The following IPO5 variants were observed in gnomAD, a reference collection of about 807,000 sequenced individuals.
The protein encoded by IPO5 is importin-5.
In IPO5, 18 loss-of-function variants were observed where a neutral mutation model predicts 143.3. The observed-to-expected ratio is 0.13, with a 90% CI of 0.09 to 0.19. The LOEUF is 0.19. IPO5 is among the 10% of genes least tolerant of loss of function. The pLI is 1.00. For missense variants in IPO5, 1,013 were observed against 1,336.9 expected (o/e 0.76, Z 3.78); for synonymous variants, 477 against 465.7 (o/e 1.02, Z -0.31).
At chr13:98,017,217 C>T (rs1890174082) in intron 25 of IPO5, among the ~76,000 whole-genome samples, 1 of 150,952 alleles carries the variant, frequency 6.6e-6, no homozygotes, top group South Asian at 2.1e-4. Context: ...GTACTACCAG[C>T]AATCATGGAT....
intron 26 of IPO5, 96 bp downstream of exon 26, chr13:98,018,800 A>G (rs1003281740): frequency 4.8e-6 from 4 of 836,426 alleles, no homozygotes; most frequent in Non-Finnish European, 5.7e-6. Context: ...TTATTTGCCT[A>G]TTTCTGCTGT....
At chr13:97,963,373 T>C (rs1885044039) in intron 2 of IPO5, 1 of 127,636 alleles carries the variant, frequency 7.8e-6, no homozygotes, top group Admixed American at 7.6e-5. Flanking sequence ...TTATTATAGC[T>C]TTTTTTTTTT....
Position 98,000,536 on chromosome 13 carries a change from T to A in IPO5, c.1002-3T>A, listed in dbSNP as rs758578956. The A allele has an allele frequency of 6.2e-7, 1 of 1,603,934 alleles. No homozygotes were observed. Among genetic ancestry groups the A allele is most frequent in the Non-Finnish European group, 8.5e-7 (1 of 1,170,848 alleles). On this transcript the variant is annotated splice_polypyrimidine_tract_variant and splice_region_variant and intron_variant, in intron 12 of 28. Coordinates refer to ENST00000651721, the MANE Select transcript of IPO5 (RefSeq NM_002271.6). The stretch of plus-strand genomic sequence containing the variant: ...GAGTACATAATTCTGTTTATGTGTT[T>A]AGCAATGCAGTTGCAGGCGAGAGTG...
intron 3 of IPO5, among the ~76,000 whole-genome samples, chr13:97,970,712 T>A (rs1167586308): frequency 3.9e-5 from 6 of 152,230 alleles, no homozygotes; most frequent in Non-Finnish European, 8.8e-5. Context: ...TAATGAGCAT[T>A]GCAACTGTAG....
chr13:97,961,543 T>G (rs950864832), intron 2 of IPO5, among the ~76,000 whole-genome samples: 7 of 152,248 alleles, frequency 4.6e-5, no homozygotes, highest in African/African-American at 1.7e-4. Context: ...ATGTTCCTAT[T>G]AGCAAAGTAT....
chr13:97,977,708 A>G (rs1465853951), intron 4 of IPO5, among the ~76,000 whole-genome samples: 1 of 152,172 alleles, frequency 6.6e-6, no homozygotes, highest in Non-Finnish European at 1.5e-5. Flanking sequence ...TAGAAGACTG[A>G]TGTTACATTT....
rs200549073 is a variant in IPO5 at position 97,967,630 on chromosome 13, CTGTT to C, written c.-112-2070_-112-2067del. Among the ~76,000 whole-genome samples the C allele has an allele frequency of 8.3e-3, 1,257 of 151,772 alleles. 11 individuals carry two copies. The highest frequency in any genetic ancestry group is 0.027 in the African/African-American group (1,137 of 41,372). ...GTTTTCATTCATCTGAAAGTATTTT[CTGTT>C]TGTTTGTTTGTTTGTTTGTTTGAGT... is the stretch of plus-strand genomic sequence containing the variant. On this transcript the variant is annotated intron_variant, in intron 2 of 28. Coordinates refer to ENST00000651721, the MANE Select transcript of IPO5 (RefSeq NM_002271.6).
At chr13:98,015,402 G>A in intron 22 of IPO5, 128 bp from the exon 23 acceptor site, 1 of 627,904 alleles carries the variant, frequency 1.6e-6, no homozygotes, top group Non-Finnish European at 2.8e-6. Flanking sequence ...TACAAGCTAA[G>A]CATATGTAAA....
chr13:97,988,729 A>C (rs536409786), intron 6 of IPO5, among the ~76,000 whole-genome samples: 23 of 152,340 alleles, frequency 1.5e-4, no homozygotes, highest in African/African-American at 5.5e-4. Flanking sequence ...CAGAGGTTGC[A>C]GTCAACCGAG....
intron 13 of IPO5, among the ~76,000 whole-genome samples, chr13:98,001,353 T>G (rs1266640529): frequency 2.6e-5 from 4 of 152,238 alleles, no homozygotes; most frequent in Non-Finnish European, 4.4e-5. Flanking sequence ...TTGTTTGTTT[T>G]TTGGTGGAAT....
intron 2 of IPO5, among the ~76,000 whole-genome samples, chr13:97,965,117 A>C (rs935411017): frequency 4.6e-5 from 7 of 152,058 alleles, no homozygotes; most frequent in African/African-American, 1.7e-4. Context: ...ACATGTTCTC[A>C]CTCATAAGTG....
chr13:97,981,573 C>CAGG (rs1790125374), intron 4 of IPO5, among the ~76,000 whole-genome samples: 1 of 152,182 alleles, frequency 6.6e-6, no homozygotes, highest in Non-Finnish European at 1.5e-5. Context: ...GCAATGAGAG[C>CAGG]AGGTAAGCTC....
chr13:98,010,728 A>T (rs1430716862), intron 20 of IPO5, among the ~76,000 whole-genome samples: 2 of 135,784 alleles, frequency 1.5e-5, no homozygotes, highest in East Asian at 4.2e-4. Flanking sequence ...TTTAGTTCCT[A>T]GTTTTCTTTT....
chr13:97,959,079 A>T (rs1276859362), intron 2 of IPO5, among the ~76,000 whole-genome samples: 3 of 151,520 alleles, frequency 2.0e-5, no homozygotes, highest in Non-Finnish European at 2.9e-5. Flanking sequence ...GGCTGAGGCA[A>T]GAGAATTGCT....
chr13:97,977,785 C>T (rs1886507780), intron 4 of IPO5, among the ~76,000 whole-genome samples: 1 of 152,182 alleles, frequency 6.6e-6, no homozygotes. Flanking sequence ...AGTTTCTTAG[C>T]TGACCGCCAA....
intron 5 of IPO5, among the ~76,000 whole-genome samples, chr13:97,985,086 TA>T (rs1482853976): frequency 6.6e-6 from 1 of 151,920 alleles, no homozygotes; most frequent in Admixed American, 6.6e-5. Flanking sequence ...GACAGAGAGG[TA>T]GGAAAAGAGC....
intron 24 of IPO5, among the ~76,000 whole-genome samples, 188 bp from the exon 25 acceptor site, chr13:98,016,541 T>C (rs1017432797): frequency 1.3e-5 from 2 of 152,178 alleles, no homozygotes; most frequent in African/African-American, 4.8e-5. Flanking sequence ...AGACTGGCCT[T>C]TGATTAGTAA....
At chr13:97,976,621 C>G in intron 3 of IPO5, 72 bp from the exon 4 acceptor site, 1 of 571,464 alleles carries the variant, frequency 1.7e-6, no homozygotes, top group Non-Finnish European at 2.6e-6. Flanking sequence ...GGGCCCGCCC[C>G]CGCCCCTCCC....
chr13:98,006,271 C>G lies in IPO5; in HGVS notation c.1639C>G (p.Gln547Glu). 6.5e-7 allele frequency: 1 copy of G among 1,534,296 alleles called. No individual in the cohort carries two copies. Among genetic ancestry groups the G allele is most frequent in the Non-Finnish European group, 8.8e-7 (1 of 1,132,272 alleles). ...GAAGCACATCGTTGAGAATGCGGTT[C>G]AAAAAGAACTGAGACTTCTGAGAGG... ...SLKHIVENAV[Q>E]KELRLLRGKT... Residue 547 changes from glutamine to glutamate, a missense_variant, in exon 17 of 29, where the codon CAA (glutamine) becomes GAA (glutamate). Coordinates refer to ENST00000651721, the MANE Select transcript of IPO5 (RefSeq NM_002271.6).
Sources: allele counts gnomAD v4.1 joint callset (sites outside exome capture counted in the v4.1 genomes callset), GRCh38; gene constraint gnomAD v4.1.1; transcripts MANE v1.5; gene names NCBI Gene and HGNC (gene_info 2026-07-23, HGNC 2026-07-21).